The following MGAT4C variants were observed in gnomAD, a reference collection of about 807,000 sequenced individuals.
The protein encoded by MGAT4C is alpha-1,3-mannosyl-glycoprotein 4-beta-N-acetylglucosaminyltransferase C.
A neutral mutation model predicts 40.1 loss-of-function variants in MGAT4C; 19 were observed. The ratio of observed to expected loss-of-function variants is 0.47; its 90% CI spans 0.33 to 0.70. The LOEUF (loss-of-function observed/expected upper bound fraction) is 0.70. Among genes scored for constraint, MGAT4C ranks in the 30% least tolerant of loss-of-function variants. The pLI is 0.02. For synonymous variants in MGAT4C, 181 were observed against 187.1 expected, an observed-to-expected ratio of 0.97 and a Z score of 0.27; for missense variants, 491 against 563.2, an observed-to-expected ratio of 0.87 and a Z score of 1.30.
chr12:86,577,949 A>G (rs1960627932), intron 2 of MGAT4C, among the ~76,000 whole-genome samples: 1 of 151,736 alleles, frequency 6.6e-6, no homozygotes, highest in Non-Finnish European at 1.5e-5. Context: ...AGCTCATACA[A>G]TGGTCACAGT....
intron 1 of MGAT4C, among the ~76,000 whole-genome samples, chr12:86,110,706 G>A (rs916625712): frequency 6.6e-6 from 1 of 151,562 alleles, no homozygotes; most frequent in African/African-American, 2.4e-5. Flanking sequence ...AAGCATGAAA[G>A]ATTTGAAAAG....
intron 3 of MGAT4C, among the ~76,000 whole-genome samples, chr12:86,386,490 G>A (rs765789544): frequency 1.3e-5 from 2 of 152,150 alleles, no homozygotes; most frequent in African/African-American, 2.4e-5. Flanking sequence ...GTCTTGGACC[G>A]TTAATATTCA....
chr12:86,561,998 C>T (rs1259844539), intron 2 of MGAT4C, among the ~76,000 whole-genome samples: 2 of 152,150 alleles, frequency 1.3e-5, no homozygotes, highest in Non-Finnish European at 2.9e-5. Flanking sequence ...ACATTTGATA[C>T]TCCTGATTCA....
At chr12:86,397,713 C>A (rs537289661) in intron 3 of MGAT4C, among the ~76,000 whole-genome samples, 2 of 152,232 alleles carry the variant, frequency 1.3e-5, no homozygotes, top group Admixed American at 6.5e-5. Context: ...GTAATCCCAG[C>A]ACTTTGGGAG....
In MGAT4C at chr12:86,240,032, A is replaced by AT. The variant is rs1264182349; in HGVS notation, c.-57+16206_-57+16207insA. 1.9e-3 allele frequency among the ~76,000 whole-genome samples: 274 copies of AT among 142,016 alleles called. 1 individual carries two copies. The highest frequency in any genetic ancestry group is 6.7e-3 in the African/African-American group (263 of 39,260). The allele number at this position is 142,016 out of a possible 152,430, so 93.2% of individuals were successfully genotyped here. On this transcript the variant is annotated intron_variant, in intron 1 of 4. Transcript: ENST00000611864. The stretch of plus-strand genomic sequence containing the variant: ...CCTAAAACTTAGAGTATAATAAAAA[A>AT]AAAAAATAAAAAATAAAATAAAATA...
At chr12:86,191,102 C>T (rs1257859834) in intron 1 of MGAT4C, among the ~76,000 whole-genome samples, 2 of 145,608 alleles carry the variant, frequency 1.4e-5, no homozygotes, top group Non-Finnish European at 3.0e-5. Flanking sequence ...CACACACACA[C>T]ACACACACAC....
chr12:86,774,281 C>CTCTTTCTTTCTTTCTT (rs6144795), intron 1 of MGAT4C, among the ~76,000 whole-genome samples: 3,240 of 58,878 alleles, frequency 0.055, 462 homozygotes, highest in African/African-American at 0.11. Flanking sequence ...CTAAGGCTTG[C>CTCTTTCTTTCTTTCTT]TCTTTCTTTC....
At chr12:86,339,751 C>A (rs1954869625) in intron 3 of MGAT4C, among the ~76,000 whole-genome samples, 1 of 152,236 alleles carries the variant, frequency 6.6e-6, no homozygotes, top group South Asian at 2.1e-4. Flanking sequence ...CACACACACA[C>A]AAAGACACAC....
chr12:86,750,275 T>G (rs552051149), intron 1 of MGAT4C, among the ~76,000 whole-genome samples: 1 of 151,956 alleles, frequency 6.6e-6, no homozygotes, highest in South Asian at 2.1e-4. Flanking sequence ...CAATCACTCT[T>G]ATCAGAAAAG....
chr12:86,742,613 G>C lies in MGAT4C; in HGVS notation c.-261-15372C>G, dbSNP rs182443505. Among the ~76,000 whole-genome samples, 195 of 151,482 alleles carry C rather than the reference G, an allele frequency of 1.3e-3. 1 individual carries two copies. The highest frequency in any genetic ancestry group is 6.8e-3 in the Middle Eastern group (2 of 294). ...AGTCTGTTTAGCCTAAATGAGATTA[G>C]TGGACCTGAAGACTACTGAGATTAA... On this transcript the variant is annotated intron_variant, in intron 1 of 7. Coordinates refer to the MGAT4C transcript ENST00000548651.
At chr12:86,760,787 T>C (rs1767964944) in intron 1 of MGAT4C, among the ~76,000 whole-genome samples, 1 of 152,132 alleles carries the variant, frequency 6.6e-6, no homozygotes, top group Admixed American at 6.5e-5. Context: ...GAGAACTGCA[T>C]CTACAACAAC....
At chr12:86,797,385 C>T (rs1952143691) in intron 1 of MGAT4C, among the ~76,000 whole-genome samples, 1 of 151,488 alleles carries the variant, frequency 6.6e-6, no homozygotes, top group African/African-American at 2.4e-5. Context: ...TCTACTTCCT[C>T]ACATTCAACT....
intron 1 of MGAT4C, among the ~76,000 whole-genome samples, chr12:86,775,884 C>T (rs1204452687): frequency 6.6e-6 from 1 of 151,384 alleles, no homozygotes; most frequent in Non-Finnish European, 1.5e-5. Context: ...TTACTTGAGT[C>T]ATTATCAATC....
intron 1 of MGAT4C, among the ~76,000 whole-genome samples, chr12:86,732,844 A>C (rs1229160234): frequency 6.6e-6 from 1 of 151,920 alleles, no homozygotes; most frequent in African/African-American, 2.4e-5. Flanking sequence ...AAAAAAAAAA[A>C]AAGGATGAGC....
intron 2 of MGAT4C, among the ~76,000 whole-genome samples, chr12:86,447,074 G>T (rs1957353265): frequency 6.6e-6 from 1 of 152,036 alleles, no homozygotes; most frequent in Non-Finnish European, 1.5e-5. Flanking sequence ...CAGGAACAGT[G>T]TCCTAAATGA....
At chr12:86,061,540 G>C (rs12831303) in intron 1 of MGAT4C, among the ~76,000 whole-genome samples, 2 of 151,794 alleles carry the variant, frequency 1.3e-5, no homozygotes, top group Admixed American at 6.6e-5. Context: ...CACTCCCTTG[G>C]AAAGGGGGCT....
intron 2 of MGAT4C, among the ~76,000 whole-genome samples, chr12:86,510,956 C>A (rs953416213): frequency 6.6e-6 from 1 of 151,786 alleles, no homozygotes; most frequent in African/African-American, 2.4e-5. Context: ...AACAAGGATA[C>A]CCAGGAATTG....
At chr12:86,246,898 C>A (rs1231671923) in intron 1 of MGAT4C, among the ~76,000 whole-genome samples, 2 of 152,112 alleles carry the variant, frequency 1.3e-5, no homozygotes, top group African/African-American at 4.8e-5. Flanking sequence ...GTGCAATTTT[C>A]TTTGTTCTAT....
intron 1 of MGAT4C, among the ~76,000 whole-genome samples, chr12:86,105,699 C>T (rs1337821295): frequency 1.3e-5 from 2 of 152,086 alleles, no homozygotes; most frequent in East Asian, 1.9e-4. Context: ...ATGTTAATTA[C>T]TATTCCTTTA....
Sources: gnomAD v4.1 joint callset for allele counts (sites outside exome capture counted in the v4.1 genomes callset) on GRCh38, gnomAD v4.1.1 for gene constraint, MANE v1.5 for transcripts, NCBI Gene and HGNC (gene_info 2026-07-23, HGNC 2026-07-21) for gene names.